The following ARHGEF26 variants were observed in gnomAD, a reference collection of about 807,000 sequenced individuals.
ARHGEF26 encodes the protein Rho guanine nucleotide exchange factor 26.
In ARHGEF26, 59 loss-of-function variants were observed where a neutral mutation model predicts 89.4. The observed-to-expected ratio is 0.66, with a 90% CI of 0.54 to 0.82. The LOEUF is 0.82. ARHGEF26 is among the 40% of genes least tolerant of loss of function. The probability of loss-of-function intolerance (pLI) is 0.00; values close to 1 mark genes in which losing one functional copy is unlikely to be tolerated. For synonymous variants in ARHGEF26, 500 were observed against 428.4 expected, an observed-to-expected ratio of 1.17 and a Z score of -2.06; for missense variants, 1,234 against 1,085.6, an observed-to-expected ratio of 1.14 and a Z score of -1.92.
intron 9 of ARHGEF26, among the ~76,000 whole-genome samples, chr3:154,196,886 GAAAA>G (rs199937762): frequency 7.2e-6 from 1 of 138,528 alleles, no homozygotes; most frequent in Non-Finnish European, 1.6e-5. Context: ...CTAAGAAATT[GAAAA>G]AAAAAAAGAA....
intron 11 of ARHGEF26, among the ~76,000 whole-genome samples, chr3:154,235,300 A>C (rs1486892848): frequency 6.6e-6 from 1 of 152,200 alleles, no homozygotes; most frequent in Non-Finnish European, 1.5e-5. Context: ...CTACATATAG[A>C]AGAAACCTGT....
intron 9 of ARHGEF26, among the ~76,000 whole-genome samples, chr3:154,216,312 A>AT: frequency 6.6e-6 from 1 of 151,734 alleles, no homozygotes; most frequent in East Asian, 1.9e-4. Context: ...GTGAATTAAG[A>AT]TTAGGTACTC....
chr3:154,248,784 T>G (rs1025682153), intron 12 of ARHGEF26, among the ~76,000 whole-genome samples: 1 of 152,254 alleles, frequency 6.6e-6, no homozygotes, highest in African/African-American at 2.4e-5. Context: ...CTTAGTGGGC[T>G]AGGGATATTA....
chr3:154,190,022 ATT>A (rs200125680), intron 7 of ARHGEF26, among the ~76,000 whole-genome samples: 19 of 151,898 alleles, frequency 1.3e-4, no homozygotes, highest in Non-Finnish European at 2.4e-4. Context: ...TCAAAATAAC[ATT>A]TTTTTTAAAA....
At chr3:154,252,591 G>C (rs1718222648) in intron 12 of ARHGEF26, among the ~76,000 whole-genome samples, 1 of 152,160 alleles carries the variant, frequency 6.6e-6, no homozygotes, top group Non-Finnish European at 1.5e-5. Context: ...CAGTGTAAAA[G>C]TGGCCAAAGA....
At chr3:154,123,388 A>G (rs900063105) in intron 2 of ARHGEF26, among the ~76,000 whole-genome samples, 1 of 152,138 alleles carries the variant, frequency 6.6e-6, no homozygotes, top group African/African-American at 2.4e-5. Flanking sequence ...TTTAAAAGAG[A>G]TAGCTGAAAG....
At chr3:154,200,843 T>C (rs1244478404) in intron 9 of ARHGEF26, among the ~76,000 whole-genome samples, 1 of 152,024 alleles carries the variant, frequency 6.6e-6, no homozygotes, top group Non-Finnish European at 1.5e-5. Flanking sequence ...TAATTTTACA[T>C]GTGGCTATTG....
chr3:154,195,228 C>T (rs1714218398), intron 9 of ARHGEF26, among the ~76,000 whole-genome samples: 1 of 152,134 alleles, frequency 6.6e-6, no homozygotes, highest in Non-Finnish European at 1.5e-5. Flanking sequence ...AAGAGAGTGT[C>T]TCAGGTATGT....
At chr3:154,221,681 T>C (rs1716139239) in intron 10 of ARHGEF26, among the ~76,000 whole-genome samples, 1 of 152,204 alleles carries the variant, frequency 6.6e-6, no homozygotes, top group South Asian at 2.1e-4. Flanking sequence ...GAAAGCTTTC[T>C]TATATATTAT....
At chr3:154,214,387 A>G (rs1317346724) in intron 9 of ARHGEF26, among the ~76,000 whole-genome samples, 1 of 152,172 alleles carries the variant, frequency 6.6e-6, no homozygotes, top group Non-Finnish European at 1.5e-5. Context: ...TTCAGTGGCC[A>G]GGGCAGGTAG....
chr3:154,257,025 AG>A lies in ARHGEF26; in HGVS notation c.*1554del. On this transcript the variant is annotated 3_prime_UTR_variant, in exon 15 of 15. Transcript: ENST00000465093. ...AACCTGGCAAAGTGTACATTATTGG[AG>A]GACTCAAATCTGTATGTGACATGTC... is the stretch of plus-strand genomic sequence containing the variant. The A allele has an allele frequency of 1.4e-6, 2 of 1,474,166 alleles. No homozygotes were observed. The highest frequency in any genetic ancestry group is 2.8e-5 in the South Asian group (2 of 72,044). 91.3% of individuals were successfully genotyped at this position (1,474,166 alleles called of 1,614,324 possible). A position where few individuals can be genotyped will look rare whatever the true frequency, so the allele number is the denominator to read the frequency against.
intron 4 of ARHGEF26, among the ~76,000 whole-genome samples, chr3:154,144,981 C>A (rs191439620): frequency 2.6e-5 from 4 of 152,304 alleles, no homozygotes. Flanking sequence ...TGTTTACCCA[C>A]CACTCCCCAG....
intron 6 of ARHGEF26, among the ~76,000 whole-genome samples, chr3:154,183,678 G>A (rs1398700084): frequency 1.3e-5 from 2 of 152,172 alleles, no homozygotes; most frequent in African/African-American, 2.4e-5. Flanking sequence ...TCTTAATTAT[G>A]TCAATGTAAA....
At chr3:154,181,866 A>G (rs1022856331) in intron 6 of ARHGEF26, among the ~76,000 whole-genome samples, 63 of 152,192 alleles carry the variant, frequency 4.1e-4, no homozygotes, top group African/African-American at 1.5e-3. Flanking sequence ...ATTTGTGGGC[A>G]TTACTTTCTT....
At chr3:154,135,893 C>A (rs1261867138) in intron 4 of ARHGEF26, among the ~76,000 whole-genome samples, 1 of 152,158 alleles carries the variant, frequency 6.6e-6, no homozygotes, top group Non-Finnish European at 1.5e-5. Context: ...ATGTACTATG[C>A]ATGTATGAAG....
chr3:154,202,827 G>T, intron 9 of ARHGEF26, among the ~76,000 whole-genome samples: 1 of 149,754 alleles, frequency 6.7e-6, no homozygotes. Flanking sequence ...AAGAATGCTT[G>T]TGATTTTTGC....
chr3:154,233,094 G>A (rs1716914505), intron 11 of ARHGEF26, among the ~76,000 whole-genome samples: 1 of 152,014 alleles, frequency 6.6e-6, no homozygotes, highest in Non-Finnish European at 1.5e-5. Context: ...GCCTCCCAGA[G>A]TGCTGGGATT....
At chr3:154,202,757 T>A (rs1202525822) in intron 9 of ARHGEF26, among the ~76,000 whole-genome samples, 1 of 135,020 alleles carries the variant, frequency 7.4e-6, no homozygotes, top group Non-Finnish European at 1.6e-5. Context: ...TTATTCTCTT[T>A]GAAGCAATTG....
chr3:154,188,520 A>G (rs1713733989), intron 7 of ARHGEF26, among the ~76,000 whole-genome samples: 1 of 152,184 alleles, frequency 6.6e-6, no homozygotes, highest in South Asian at 2.1e-4. Context: ...TTGTTCAGTA[A>G]TGCCTATATG....
Sources: allele counts gnomAD v4.1 joint callset (sites outside exome capture counted in the v4.1 genomes callset), GRCh38; gene constraint gnomAD v4.1.1; transcripts MANE v1.5; gene names NCBI Gene and HGNC (gene_info 2026-07-23, HGNC 2026-07-21).